The following FHIP2A variants were observed in gnomAD, a reference collection of about 807,000 sequenced individuals.
The protein encoded by FHIP2A is FHF complex subunit HOOK interacting protein 2A, also known as family with sequence similarity 160 member B1.
Under a neutral mutation model 93.5 loss-of-function variants are expected in FHIP2A, and 46 were observed. The observed-to-expected ratio is 0.49, with a 90% CI of 0.39 to 0.63. The LOEUF is 0.63. FHIP2A is among the 20% of genes least tolerant of loss of function. The pLI, the probability that FHIP2A is intolerant of heterozygous loss-of-function variation, is 0.00. For missense variants in FHIP2A, 769 were observed against 909.7 expected (o/e 0.85, Z 1.99); for synonymous variants, 332 against 326.5 (o/e 1.02, Z -0.18).
intron 16 of FHIP2A, among the ~76,000 whole-genome samples, chr10:114,891,535 A>ATGTGTGTGTG (rs1342933567): frequency 4.7e-5 from 6 of 126,438 alleles, no homozygotes; most frequent in African/African-American, 2.1e-4. Flanking sequence ...ATATATATAT[A>ATGTGTGTGTG]TATGTGTGTG....
intron 11 of FHIP2A, 29 bp from the exon 12 acceptor site, chr10:114,847,061 C>T (rs770089203): frequency 6.5e-7 from 1 of 1,549,612 alleles, no homozygotes; most frequent in Admixed American, 1.9e-5. Context: ...TAAAATAGTG[C>T]TTTTTATGTG....
At chr10:114,828,721 C>G (rs115333948) in intron 1 of FHIP2A, among the ~76,000 whole-genome samples, 1 of 152,008 alleles carries the variant, frequency 6.6e-6, no homozygotes, top group Non-Finnish European at 1.5e-5. Flanking sequence ...CTCAATCTCC[C>G]GTAAGTTTTT....
intron 16 of FHIP2A, among the ~76,000 whole-genome samples, chr10:114,877,284 C>T (rs2083894152): frequency 6.6e-6 from 1 of 152,086 alleles, no homozygotes; most frequent in African/African-American, 2.4e-5. Flanking sequence ...GGGAACGGCG[C>T]CGCCCGAGGG....
intron 12 of FHIP2A, 22 bp from the exon 13 acceptor site, chr10:114,848,625 A>C: frequency 6.8e-7 from 1 of 1,479,504 alleles, no homozygotes. Context: ...ATCTTGCATA[A>C]TTGTGGCCGT....
chr10:114,821,972 C>T lies in FHIP2A; in HGVS notation c.-107C>T, dbSNP rs1359390154. The T allele has an allele frequency of 1.5e-5, 9 of 598,728 alleles. No individual in the cohort carries two copies. Among genetic ancestry groups the T allele is most frequent in the Admixed American group, 9.5e-5 (2 of 20,968 alleles). The allele number at this position is 598,728 out of a possible 1,614,324, so 37.1% of individuals were successfully genotyped here. Reference sequence around the variant, plus strand: ...TCAGCTCGTCCTCCCCGCCCCGCACCGGCCTTCACTCTGGAGCGGCCCCGG... The same window carrying T: ...TCAGCTCGTCCTCCCCGCCCCGCACTGGCCTTCACTCTGGAGCGGCCCCGG... On this transcript the variant is annotated 5_prime_UTR_variant, in exon 1 of 17. Coordinates refer to ENST00000369248, the MANE Select transcript of FHIP2A (RefSeq NM_020940.4).
Position 114,863,420 on chromosome 10 carries a change from A to G in FHIP2A, c.*1880A>G. 1.9e-6 allele frequency: 2 copies of G among 1,057,392 alleles called. No homozygotes were observed. Among genetic ancestry groups the G allele is most frequent in the Non-Finnish European group, 2.3e-6 (2 of 872,300 alleles). The allele number at this position is 1,057,392 out of a possible 1,614,324, so 65.5% of individuals were successfully genotyped here. A position where few individuals can be genotyped will look rare whatever the true frequency, so the allele number is the denominator to read the frequency against. ...GTAGTAGCAATGATATTACCTCTGA[A>G]ACCAAATACTCTTTTATCCTTGATT... On this transcript the variant is annotated 3_prime_UTR_variant, in exon 17 of 17. Coordinates refer to ENST00000369248, the MANE Select transcript of FHIP2A (RefSeq NM_020940.4).
chr10:114,881,630 T>C (rs1347653649), intron 16 of FHIP2A, among the ~76,000 whole-genome samples: 2 of 152,046 alleles, frequency 1.3e-5, no homozygotes, highest in Non-Finnish European at 2.9e-5. Flanking sequence ...ACTTCAGAGA[T>C]TTTAGCCCCC....
At chr10:114,846,121 G>T (rs777097631) in intron 9 of FHIP2A, 32 bp downstream of exon 9, 3 of 1,611,460 alleles carry the variant, frequency 1.9e-6, no homozygotes, top group South Asian at 1.1e-5. Flanking sequence ...GAAAAAAACC[G>T]CATCACTGTG....
intron 5 of FHIP2A, among the ~76,000 whole-genome samples, chr10:114,837,660 A>G (rs1199260204): frequency 6.6e-6 from 1 of 152,214 alleles, no homozygotes; most frequent in Non-Finnish European, 1.5e-5. Context: ...CAAGATGTGC[A>G]ACAGCTCTGT....
chr10:114,895,852 C>G (rs2083998483), intron 16 of FHIP2A, among the ~76,000 whole-genome samples: 1 of 152,202 alleles, frequency 6.6e-6, no homozygotes, highest in Non-Finnish European at 1.5e-5. Context: ...CTTGGTAGCA[C>G]ATGATGTAAG....
chr10:114,848,591 C>CTTTTTTTTTTTTT, intron 12 of FHIP2A, 56 bp from the exon 13 acceptor site: 1 of 853,948 alleles, frequency 1.2e-6, no homozygotes, highest in Non-Finnish European at 1.8e-6. Flanking sequence ...CTACTTTTTC[C>CTTTTTTTTTTTTT]TTTTTTTTTT....
chr10:114,855,442 TCTTA>T (rs1207655749), intron 14 of FHIP2A, 102 bp downstream of exon 14: 20 of 1,031,258 alleles, frequency 1.9e-5, no homozygotes, highest in Admixed American at 5.6e-5. Flanking sequence ...TTTATTGTTT[TCTTA>T]CTTTTTCCAC....
intron 16 of FHIP2A, among the ~76,000 whole-genome samples, chr10:114,890,880 T>C (rs11196967): frequency 0.3 from 45,343 of 150,618 alleles, 7,737 homozygotes; most frequent in Middle Eastern, 0.43. Flanking sequence ...ATAATAATCT[T>C]GCTGTTAGGT....
At chr10:114,876,436 T>A (rs972527220) in intron 16 of FHIP2A, among the ~76,000 whole-genome samples, 1 of 151,906 alleles carries the variant, frequency 6.6e-6, no homozygotes, top group Non-Finnish European at 1.5e-5. Flanking sequence ...CCACATCACC[T>A]CCCCGAGCCT....
At chr10:114,859,348 G>A (rs150254116) in intron 14 of FHIP2A, among the ~76,000 whole-genome samples, 24 of 152,276 alleles carry the variant, frequency 1.6e-4, no homozygotes, top group African/African-American at 5.8e-4. Context: ...GCGTGTGCCC[G>A]AGCATTCTCC....
chr10:114,857,835 A>C (rs1258575437), intron 14 of FHIP2A, among the ~76,000 whole-genome samples: 1 of 152,206 alleles, frequency 6.6e-6, no homozygotes, highest in East Asian at 1.9e-4. Context: ...TCATAATACA[A>C]ACATTTACTA....
chr10:114,860,671 G>C, intron 14 of FHIP2A, 78 bp from the exon 15 acceptor site: 1 of 1,230,014 alleles, frequency 8.1e-7, no homozygotes, highest in Non-Finnish European at 1.2e-6. Flanking sequence ...TTTCTTAAAA[G>C]AACAAATTGA....
At chr10:114,855,489 C>T in intron 14 of FHIP2A, 149 bp downstream of exon 14, 1 of 673,552 alleles carries the variant, frequency 1.5e-6, no homozygotes, top group Admixed American at 3.0e-5. Context: ...TGATTGCCAA[C>T]AACTGGCAGA....
downstream of FHIP2A, among the ~76,000 whole-genome samples, chr10:114,866,554 A>G (rs888311263): frequency 2.0e-5 from 3 of 152,258 alleles, no homozygotes; most frequent in Non-Finnish European, 4.4e-5. Context: ...GAAATAGGAC[A>G]TCCACAAACC....
Sources: allele counts gnomAD v4.1 joint callset (sites outside exome capture counted in the v4.1 genomes callset), GRCh38; gene constraint gnomAD v4.1.1; transcripts MANE v1.5; gene names NCBI Gene and HGNC (gene_info 2026-07-23, HGNC 2026-07-21).